Variants in SMARCA2 observed in about 807,000 individuals in gnomAD.
The protein encoded by SMARCA2 is SWI/SNF related BAF chromatin remodeling complex subunit ATPase 2.
SMARCA2 carries 61 observed loss-of-function variants against 199.8 expected under a neutral mutation model. The observed-to-expected ratio is 0.31, with a 90% confidence interval of 0.25 to 0.38. SMARCA2 has a LOEUF of 0.38. Among genes scored for constraint, SMARCA2 ranks in the 10% least tolerant of loss-of-function variants. SMARCA2 has a pLI of 1.00. For missense variants in SMARCA2, 1,344 were observed against 2,012.2 expected (o/e 0.67, Z 6.35); for synonymous variants, 935 against 732.0 (o/e 1.28, Z -4.48).
intron 27 of SMARCA2, among the ~76,000 whole-genome samples, chr9:2,127,297 C>T (rs774125251): frequency 1.3e-5 from 2 of 152,058 alleles, no homozygotes; most frequent in African/African-American, 2.4e-5. Context: ...ATACTAAGTG[C>T]CCATCAGTTG....
chr9:2,176,154 T>C (rs1389419492), intron 29 of SMARCA2, among the ~76,000 whole-genome samples: 2 of 150,606 alleles, frequency 1.3e-5, no homozygotes, highest in Non-Finnish European at 2.9e-5. Context: ...GTGCTGGGAT[T>C]ACAGGCATGA....
At position 2,186,857 on chromosome 9, in the gene SMARCA2, A is replaced by G. The variant is rs1274063164; in HGVS notation, c.4594+629A>G. On this transcript the variant is annotated intron_variant, in intron 32 of 33. Coordinates refer to ENST00000349721, the MANE Select transcript of SMARCA2 (RefSeq NM_003070.5). ...CACTTTCTGAATGTTGCCTTTGAATATTAGCCTACTACACATTTTCTACAA... is the reference window on the plus strand; with the variant it reads ...CACTTTCTGAATGTTGCCTTTGAATGTTAGCCTACTACACATTTTCTACAA... Among the ~76,000 whole-genome samples, 13 of 107,312 alleles carry G rather than the reference A, an allele frequency of 1.2e-4. No individual in the cohort carries two copies. In the Admixed American group the frequency reaches 1.4e-3, roughly 11 times the overall value. The allele number at this position is 107,312 out of a possible 152,430, so 70.4% of individuals were successfully genotyped here. A position where few individuals can be genotyped will look rare whatever the true frequency, so the allele number is the denominator to read the frequency against.
chr9:2,157,980 C>T (rs1437981194), intron 27 of SMARCA2: 1 of 397,568 alleles, frequency 2.5e-6, no homozygotes, highest in East Asian at 3.6e-5. Flanking sequence ...AAAGCGTTTC[C>T]TCTAGAACAG....
In SMARCA2 at chr9:2,108,295, C is replaced by G. The variant is rs115127848; in HGVS notation, c.3293-1959C>G. Among the ~76,000 whole-genome samples the G allele has an allele frequency of 6.3e-3, 960 of 152,290 alleles. 8 individuals are homozygous for G. The highest frequency in any genetic ancestry group is 0.022 in the African/African-American group (917 of 41,558). ...CGTATGCATGTTATCTGTAAAGTAG[C>G]CAGTGAAGGTCAAGTTTGAGCATTC... On this transcript the variant is annotated intron_variant, in intron 23 of 33. Coordinates refer to ENST00000349721, the MANE Select transcript of SMARCA2 (RefSeq NM_003070.5).
chr9:2,031,809 C>T (rs1563718494), intron 2 of SMARCA2, among the ~76,000 whole-genome samples: 1 of 152,210 alleles, frequency 6.6e-6, no homozygotes, highest in Non-Finnish European at 1.5e-5. Context: ...GATGCCTTCA[C>T]TTTTTTCTAT....
intron 21 of SMARCA2, among the ~76,000 whole-genome samples, chr9:2,098,979 T>C (rs921203111): frequency 2.6e-5 from 4 of 151,368 alleles, no homozygotes; most frequent in Admixed American, 1.3e-4. Context: ...GTTATTTACA[T>C]GTATTGTTGA....
At position 2,170,509 on chromosome 9, in the gene SMARCA2, C is replaced by T. The variant is rs775061506; in HGVS notation, c.4253+37C>T. 3.7e-6 allele frequency: 6 copies of T among 1,613,656 alleles called. No homozygotes were observed. Among genetic ancestry groups the T allele is most frequent in the South Asian group, 2.2e-5 (2 of 90,962 alleles). ...TCTTGTATTCCCCTATCTCTAAATA[C>T]AGGTATCCCTCGTTACGTGAAACAG... On this transcript the variant is annotated intron_variant, in intron 29 of 33. Transcript: ENST00000349721. The surrounding 1 kb of genome is among the most constrained non-coding windows in gnomAD (Gnocchi z 4.7).
At chr9:2,157,018 A>T (rs1392494708) in intron 27 of SMARCA2, among the ~76,000 whole-genome samples, 1 of 152,226 alleles carries the variant, frequency 6.6e-6, no homozygotes, top group Non-Finnish European at 1.5e-5. Flanking sequence ...TGGAGACAGT[A>T]ATAATCAAAA....
In SMARCA2 at chr9:2,066,477, C is replaced by T. The variant is rs548687791; in HGVS notation, c.1693-3941C>T. 9.9e-5 allele frequency among the ~76,000 whole-genome samples: 15 copies of T among 152,124 alleles called. 1 individual carries two copies. Among genetic ancestry groups the T allele is most frequent in the African/African-American group, 2.7e-4 (11 of 41,420 alleles). On this transcript the variant is annotated intron_variant, in intron 9 of 33. Transcript: ENST00000349721. ...TTGCTAAATGGAAGATATGAATTGA[C>T]GTTGGCCTTGGAAATTGGGAACACA... is the stretch of plus-strand genomic sequence containing the variant.
At chr9:2,177,583 G>A (rs144880747) in intron 29 of SMARCA2, among the ~76,000 whole-genome samples, 213 of 151,180 alleles carry the variant, frequency 1.4e-3, no homozygotes, top group Admixed American at 7.8e-3. Context: ...ACTGAGTTTC[G>A]CTCTCGTTGC....
rs144874723 is a variant in SMARCA2, at chr9:2,083,685, G to A, written c.2415+272G>A. ...AAATGACAAATATCACACATTCTGC[G>A]TGCTGCTGACTGGCTCGCTGTGGGC... On this transcript the variant is annotated intron_variant, in intron 16 of 33. Coordinates refer to ENST00000349721, the MANE Select transcript of SMARCA2 (RefSeq NM_003070.5). Among the ~76,000 whole-genome samples the A allele has an allele frequency of 1.6e-4, 24 of 152,320 alleles. 1 individual carries two copies. In the East Asian group the frequency reaches 2.7e-3, roughly 17 times the overall value.
At chr9:2,139,437 G>A (rs1460587506) in intron 27 of SMARCA2, among the ~76,000 whole-genome samples, 1 of 152,158 alleles carries the variant, frequency 6.6e-6, no homozygotes, top group Non-Finnish European at 1.5e-5. Flanking sequence ...CACAAGACTG[G>A]TCGAGTCACC....
At chr9:2,072,717 G>A (rs1821144720) in intron 10 of SMARCA2, among the ~76,000 whole-genome samples, 2 of 152,196 alleles carry the variant, frequency 1.3e-5, no homozygotes, top group Non-Finnish European at 2.9e-5. Context: ...AAATAAAAAG[G>A]GAATGTATTG....
In SMARCA2 at chr9:2,169,771, A is replaced by C. The variant is rs1251926182; in HGVS notation, c.4200-648A>C. On this transcript the variant is annotated intron_variant, in intron 28 of 33. Transcript: ENST00000349721. This position sits in a 1 kb window ranked among gnomAD's most constrained non-coding sequence, Gnocchi z 6.5. ...GGACACCAACCTAGCAGTTTCAAAA[A>C]TCCTCAACTGAAGAGGCTTTTCTAG... 2.0e-5 allele frequency among the ~76,000 whole-genome samples: 3 copies of C among 152,292 alleles called. No individual in the cohort carries two copies. The highest frequency in any genetic ancestry group is 2.1e-4 in the South Asian group (1 of 4,818).
intron 8 of SMARCA2, among the ~76,000 whole-genome samples, chr9:2,060,118 CAAAAAAAAAAAAAAAAAAA>C (rs372329238): frequency 1.1e-4 from 7 of 62,388 alleles, no homozygotes; most frequent in Non-Finnish European, 1.4e-4. Context: ...GATCTGTGGC[CAAAAAAAAAAAAAAAAAAA>C]AAAAAAAAAA....
intron 28 of SMARCA2, among the ~76,000 whole-genome samples, chr9:2,163,446 A>G (rs977198695): frequency 7.2e-5 from 11 of 152,074 alleles, no homozygotes; most frequent in African/African-American, 2.7e-4. Flanking sequence ...GAACATGAAA[A>G]CTTCCTTGTA....
intron 27 of SMARCA2, among the ~76,000 whole-genome samples, chr9:2,140,455 A>G (rs1824407840): frequency 6.6e-6 from 1 of 152,174 alleles, no homozygotes; most frequent in Non-Finnish European, 1.5e-5. Flanking sequence ...ATAGGGGTTC[A>G]CTGGTATATA....
At chr9:2,022,031 T>C (rs999848577) in intron 1 of SMARCA2, 2 of 149,168 alleles carry the variant, frequency 1.3e-5, no homozygotes, top group Non-Finnish European at 2.9e-5. Flanking sequence ...TGTACCTGTT[T>C]TGACCGGTTG....
intron 24 of SMARCA2, among the ~76,000 whole-genome samples, chr9:2,112,539 G>A (rs376133971): frequency 4.0e-5 from 6 of 151,694 alleles, no homozygotes; most frequent in African/African-American, 1.2e-4. Flanking sequence ...TAGAATCAAA[G>A]TAAATTGCAG....
Sources: gnomAD v4.1 joint callset for allele counts (sites outside exome capture counted in the v4.1 genomes callset) on GRCh38, gnomAD v4.1.1 for gene constraint, Gnocchi (gnomAD v3.1) non-coding constraint, MANE v1.5 for transcripts, NCBI Gene and HGNC (gene_info 2026-07-23, HGNC 2026-07-21) for gene names.